DTNA: variants seen among roughly 807,000 people sequenced by gnomAD.
The protein encoded by DTNA is dystrophin-related protein 3.
DTNA carries 43 observed loss-of-function variants against 100.7 expected under a neutral mutation model. The observed-to-expected ratio is 0.43, with a 90% CI of 0.33 to 0.55. The LOEUF (loss-of-function observed/expected upper bound fraction) is 0.55. Ranked by LOEUF, DTNA falls within the 20% of genes least tolerant of loss-of-function variation. The pLI is 0.04. For missense variants in DTNA, 798 were observed against 953.9 expected, an observed-to-expected ratio of 0.84 and a Z score of 2.15; for synonymous variants, 349 against 347.9, an observed-to-expected ratio of 1.00 and a Z score of -0.04.
chr18:34,863,115 T>G lies in DTNA; in HGVS notation c.1647-851T>G, dbSNP rs927553597. On this transcript the variant is annotated intron_variant, in intron 16 of 22. Coordinates refer to ENST00000444659, the MANE Select transcript of DTNA (RefSeq NM_001386795.1). ...ATATGTATTACTTATTCAGTAATAA[T>G]CATTCAGTAATGGATTTGGAATTTA... Among the ~76,000 whole-genome samples the G allele has an allele frequency of 2.0e-5, 3 of 152,242 alleles. No homozygotes were observed. In the East Asian group the frequency reaches 5.8e-4, roughly 29 times the overall value.
intron 1 of DTNA, among the ~76,000 whole-genome samples, chr18:34,567,519 TATACAG>T (rs1357001385): frequency 5.3e-5 from 8 of 152,156 alleles, no homozygotes; most frequent in Non-Finnish European, 1.2e-4. Flanking sequence ...AATTTAAAAG[TATACAG>T]ATTGATAAGA....
At chr18:34,605,367 G>A (rs1359666290) in intron 1 of DTNA, among the ~76,000 whole-genome samples, 1 of 152,078 alleles carries the variant, frequency 6.6e-6, no homozygotes, top group Non-Finnish European at 1.5e-5. Flanking sequence ...AACAAGCTTT[G>A]CTTTCTAATA....
At chr18:34,651,065 C>T (rs1032688579) in intron 1 of DTNA, among the ~76,000 whole-genome samples, 30 of 152,228 alleles carry the variant, frequency 2.0e-4, no homozygotes, top group African/African-American at 6.7e-4. Flanking sequence ...CTAGACTTTA[C>T]GTCTTCTTTT....
In DTNA at chr18:34,888,253, T is replaced by TTA; in HGVS notation, c.*522_*523dup. 1.0e-6 allele frequency: 1 copy of TTA among 985,902 alleles called. No individual in the cohort carries two copies. The allele number at this position is 985,902 out of a possible 1,614,324, so 61.1% of individuals were successfully genotyped here. ...TTTGAGATTTTAGCAAAACAGTTTATTATACACTGTACATTTTTTTCACAG... is the reference window on the plus strand; with the variant it reads ...TTTGAGATTTTAGCAAAACAGTTTATTATATACACTGTACATTTTTTTCACAG... On this transcript the variant is annotated 3_prime_UTR_variant, in exon 23 of 23. Transcript: ENST00000444659.
At chr18:34,778,810 G>A (rs972591508) in intron 3 of DTNA, among the ~76,000 whole-genome samples, 3 of 149,490 alleles carry the variant, frequency 2.0e-5, no homozygotes, top group Admixed American at 1.3e-4. Flanking sequence ...GGGAAAGTTT[G>A]TTGTTGTTGT....
At chr18:34,555,860 G>A (rs1055484407) in intron 1 of DTNA, among the ~76,000 whole-genome samples, 3 of 152,170 alleles carry the variant, frequency 2.0e-5, no homozygotes, top group Non-Finnish European at 2.9e-5. Flanking sequence ...GATTTGGAGT[G>A]GAGAGTTCTT....
chr18:34,552,300 A>G (rs970762079), intron 1 of DTNA, among the ~76,000 whole-genome samples: 6 of 152,104 alleles, frequency 3.9e-5, no homozygotes, highest in East Asian at 1.9e-4. Flanking sequence ...AGAAATACAA[A>G]AAAAGCCCCT....
chr18:34,811,343 GTCAGAAAACCCT>G (rs1827411876), intron 5 of DTNA, among the ~76,000 whole-genome samples: 1 of 152,098 alleles, frequency 6.6e-6, no homozygotes, highest in African/African-American at 2.4e-5. Flanking sequence ...CACTACACGA[GTCAGAAAACCCT>G]TCCCTGTAAA....
Position 34,663,199 on chromosome 18 carries a change from G to A in DTNA, c.-1-92777G>A, listed in dbSNP as rs186393640. 4.5e-4 allele frequency among the ~76,000 whole-genome samples: 68 copies of A among 152,138 alleles called. No individual in the cohort carries two copies. The South Asian group carries it at 7.7e-3, about 17-fold the overall frequency. Reference sequence around the variant, plus strand: ...GATAGGGTCTCACTCTGTCATCCAAGCTGGAGTTCATTGGCATGATCGTGG... The same window carrying A: ...GATAGGGTCTCACTCTGTCATCCAAACTGGAGTTCATTGGCATGATCGTGG... On this transcript the variant is annotated intron_variant, in intron 1 of 19. Coordinates refer to the DTNA transcript ENST00000283365.
At chr18:34,727,370 A>T (rs1374023576) in intron 1 of DTNA, among the ~76,000 whole-genome samples, 1 of 152,212 alleles carries the variant, frequency 6.6e-6, no homozygotes, top group African/African-American at 2.4e-5. Context: ...AATGTCTAAA[A>T]TGGAAATATT....
rs1185976943 is a variant in DTNA at position 34,890,264 on chromosome 18, A to G, written c.*2530A>G. On this transcript the variant is annotated 3_prime_UTR_variant, in exon 23 of 23. Coordinates refer to ENST00000444659, the MANE Select transcript of DTNA (RefSeq NM_001386795.1). The stretch of plus-strand genomic sequence containing the variant: ...CTCTGGAAACTGCCGCCAATGACCA[A>G]TTTCTGACTAACCAGCCACCTTTTC... 8 of 1,526,284 alleles carry G rather than the reference A, an allele frequency of 5.2e-6. No homozygotes were observed. The Admixed American group carries it at 6.0e-5, about 11-fold the overall frequency. The allele number at this position is 1,526,284 out of a possible 1,614,324, so 94.5% of individuals were successfully genotyped here.
intron 14 of DTNA, among the ~76,000 whole-genome samples, chr18:34,850,078 A>G (rs1376188833): frequency 6.6e-6 from 1 of 152,232 alleles, no homozygotes; most frequent in African/African-American, 2.4e-5. Context: ...CCGTCCACAC[A>G]TTAATTCTAG....
intron 13 of DTNA, among the ~76,000 whole-genome samples, chr18:34,844,797 G>A (rs899685154): frequency 2.0e-5 from 3 of 152,132 alleles, no homozygotes; most frequent in African/African-American, 7.2e-5. Flanking sequence ...TCAAAAGAAT[G>A]TGAACAAACC....
At chr18:34,533,170 C>T (rs138461901) in intron 1 of DTNA, among the ~76,000 whole-genome samples, 1,916 of 151,352 alleles carry the variant, frequency 0.013, 38 homozygotes, top group African/African-American at 0.045. Context: ...CAGAAGTTCA[C>T]GACCAGCCTG....
intron 3 of DTNA, among the ~76,000 whole-genome samples, chr18:34,781,349 T>C (rs2148812298): frequency 6.6e-6 from 1 of 152,360 alleles, no homozygotes; most frequent in African/African-American, 2.4e-5. Flanking sequence ...AACAGGCTAA[T>C]TGACATATAC....
rs150864222 is a variant in DTNA, at chr18:34,680,956, C to A, written c.-1-75020C>A. Among the ~76,000 whole-genome samples the A allele has an allele frequency of 8.3e-4, 126 of 152,232 alleles. No individual in the cohort carries two copies. In the East Asian group the frequency reaches 0.022, roughly 27 times the overall value. On this transcript the variant is annotated intron_variant, in intron 1 of 19. Coordinates refer to the DTNA transcript ENST00000283365. ...TTCCAGCCAGAGCCTCTCCTCCCCT[C>A]CTACATGTTACCTCCAGCTTCTTCC...
At chr18:34,813,299 TC>T (rs979122334) in intron 6 of DTNA, among the ~76,000 whole-genome samples, 5 of 151,608 alleles carry the variant, frequency 3.3e-5, no homozygotes, top group Admixed American at 3.3e-4. Context: ...AAACCCCATT[TC>T]TACGAAAAAT....
intron 1 of DTNA, among the ~76,000 whole-genome samples, chr18:34,686,000 CTT>C (rs1364067432): frequency 6.6e-6 from 1 of 152,208 alleles, no homozygotes; most frequent in Non-Finnish European, 1.5e-5. Flanking sequence ...TATCCTGACA[CTT>C]TGCTGAATTT....
intron 1 of DTNA, among the ~76,000 whole-genome samples, chr18:34,563,041 G>A (rs1371092838): frequency 2.0e-5 from 3 of 152,218 alleles, no homozygotes; most frequent in African/African-American, 7.2e-5. Flanking sequence ...CAAAGACTGA[G>A]AGCTTGTACT....
Sources: gnomAD v4.1 joint callset for allele counts (sites outside exome capture counted in the v4.1 genomes callset) on GRCh38, gnomAD v4.1.1 for gene constraint, MANE v1.5 for transcripts, NCBI Gene and HGNC (gene_info 2026-07-23, HGNC 2026-07-21) for gene names.